Variants in RBFOX1 observed in about 807,000 individuals in gnomAD.
RBFOX1 encodes the protein RNA binding fox-1 homolog 1.
Under a neutral mutation model 57.7 loss-of-function variants are expected in RBFOX1, and 8 were observed. That is an observed-to-expected ratio of 0.14 (90% CI 0.08 to 0.25). The LOEUF is 0.25. RBFOX1 is among the 10% of genes least tolerant of loss of function. RBFOX1 has a pLI of 1.00. For missense variants in RBFOX1, 611 were observed against 548.5 expected (o/e 1.11, Z -1.14); for synonymous variants, 326 against 222.4 (o/e 1.47, Z -4.15).
chr16:7,219,034 A>G (rs2141904), intron 4 of RBFOX1, among the ~76,000 whole-genome samples: 113,251 of 151,986 alleles, frequency 0.75, 42,831 homozygotes, highest in East Asian at 0.96. Context: ...AAGGGCTCGG[A>G]GCCAGACAAA....
At chr16:6,981,998 A>T (rs2089027845) in intron 3 of RBFOX1, among the ~76,000 whole-genome samples, 1 of 152,226 alleles carries the variant, frequency 6.6e-6, no homozygotes, top group African/African-American at 2.4e-5. Flanking sequence ...ATAGTGTGTA[A>T]TACAATTTCT....
At chr16:7,010,345 T>TG (rs1425740231) in intron 3 of RBFOX1, among the ~76,000 whole-genome samples, 3 of 152,214 alleles carry the variant, frequency 2.0e-5, no homozygotes, top group Non-Finnish European at 4.4e-5. Context: ...AAACCCAGTC[T>TG]GGTTAGACTT....
chr16:7,653,582 G>T (rs2065583232), intron 11 of RBFOX1, among the ~76,000 whole-genome samples: 1 of 152,208 alleles, frequency 6.6e-6, no homozygotes, highest in Non-Finnish European at 1.5e-5. Context: ...ATGTTTGTCA[G>T]TCACCACATT....
intron 1 of RBFOX1, among the ~76,000 whole-genome samples, chr16:5,408,165 G>A (rs1324922339): frequency 2.0e-5 from 3 of 152,164 alleles, no homozygotes; most frequent in Non-Finnish European, 4.4e-5. Flanking sequence ...TGCTCGTGGT[G>A]TTTGAATGAA....
chr16:7,436,280 T>C (rs988163235), intron 4 of RBFOX1, among the ~76,000 whole-genome samples: 1 of 152,254 alleles, frequency 6.6e-6, no homozygotes, highest in African/African-American at 2.4e-5. Context: ...TGGATGTTTA[T>C]GTTATTTCCG....
intron 2 of RBFOX1, among the ~76,000 whole-genome samples, chr16:6,524,954 C>T (rs779619845): frequency 9.2e-5 from 14 of 152,134 alleles, no homozygotes; most frequent in Non-Finnish European, 1.6e-4. Context: ...GGCAAGGACC[C>T]TATTTCCAAA....
At chr16:5,688,806 G>C (rs1161634309) in intron 3 of RBFOX1, among the ~76,000 whole-genome samples, 5 of 152,198 alleles carry the variant, frequency 3.3e-5, no homozygotes, top group Non-Finnish European at 7.3e-5. Flanking sequence ...AAGTGGAATG[G>C]AGCCTCTAGG....
At chr16:5,253,091 C>T (rs1233593608) in intron 1 of RBFOX1, among the ~76,000 whole-genome samples, 2 of 152,116 alleles carry the variant, frequency 1.3e-5, no homozygotes, top group South Asian at 2.1e-4. Flanking sequence ...AAACCAGGCT[C>T]AGCTTTGGAA....
chr16:7,113,195 C>T (rs767458945), intron 4 of RBFOX1, among the ~76,000 whole-genome samples: 3 of 152,144 alleles, frequency 2.0e-5, no homozygotes, highest in Non-Finnish European at 4.4e-5. Context: ...ATACATTGAG[C>T]TTTCTGAGGA....
chr16:6,097,661 G>C lies in RBFOX1; in HGVS notation c.-127+77669G>C, dbSNP rs538109963. Among the ~76,000 whole-genome samples the C allele has an allele frequency of 6.6e-6, 1 of 152,216 alleles. No homozygotes were observed. Among genetic ancestry groups the C allele is most frequent in the South Asian group, 2.1e-4 (1 of 4,822 alleles). The stretch of plus-strand genomic sequence containing the variant: ...AGTGATTGACTCAAGTGCTTAATAA[G>C]TGTCTAAGCTAGGATTTGACCCTAG... On this transcript the variant is annotated intron_variant, in intron 1 of 15. Transcript: ENST00000550418. The surrounding 1 kb of genome is among the most constrained non-coding windows in gnomAD (Gnocchi z 5.0).
At chr16:5,990,460 C>T (rs964002824) in intron 4 of RBFOX1, among the ~76,000 whole-genome samples, 1 of 152,222 alleles carries the variant, frequency 6.6e-6, no homozygotes, top group Non-Finnish European at 1.5e-5. Flanking sequence ...AGCCTCTATA[C>T]TTAATACCTA....
At chr16:5,344,993 C>G (rs1596591724) in intron 1 of RBFOX1, among the ~76,000 whole-genome samples, 2 of 152,204 alleles carry the variant, frequency 1.3e-5, no homozygotes, top group East Asian at 1.9e-4. Flanking sequence ...AATGCCTGTT[C>G]ACCTCCCTGC....
intron 2 of RBFOX1, among the ~76,000 whole-genome samples, chr16:6,530,822 A>C (rs1362108098): frequency 6.6e-6 from 1 of 151,190 alleles, no homozygotes; most frequent in Admixed American, 6.6e-5. Context: ...TGCCCCCATG[A>C]TTCAATTACC....
intron 3 of RBFOX1, among the ~76,000 whole-genome samples, chr16:7,022,874 C>G (rs1446556130): frequency 6.6e-6 from 1 of 152,206 alleles, no homozygotes; most frequent in African/African-American, 2.4e-5. Context: ...CCAATGTTCA[C>G]ACAGCTAGAA....
At chr16:6,790,546 T>A (rs1483082987) in intron 3 of RBFOX1, among the ~76,000 whole-genome samples, 1 of 152,174 alleles carries the variant, frequency 6.6e-6, no homozygotes, top group Non-Finnish European at 1.5e-5. Flanking sequence ...TCTCCTTTCC[T>A]ATTTAGCCTC....
intron 1 of RBFOX1, among the ~76,000 whole-genome samples, chr16:5,244,289 C>T (rs1393198402): frequency 1.3e-5 from 2 of 152,252 alleles, no homozygotes; most frequent in African/African-American, 2.4e-5. Context: ...TCCCCTCATG[C>T]ACTGGTGCGG....
chr16:5,429,479 CTGAT>C, intron 1 of RBFOX1, among the ~76,000 whole-genome samples: 1 of 152,314 alleles, frequency 6.6e-6, no homozygotes, highest in East Asian at 1.9e-4. Flanking sequence ...TCTCAAGCAT[CTGAT>C]TGATTTTGAG....
chr16:6,295,097 GAGTTTTT>G, intron 1 of RBFOX1, among the ~76,000 whole-genome samples: 1 of 106,572 alleles, frequency 9.4e-6, no homozygotes. Context: ...CTTAAGCAGT[GAGTTTTT>G]TTTTTTTTTT....
intron 3 of RBFOX1, among the ~76,000 whole-genome samples, chr16:6,948,650 G>A (rs2080067889): frequency 1.3e-5 from 2 of 151,932 alleles, no homozygotes; most frequent in Admixed American, 6.6e-5. Context: ...CCAAAGTGCT[G>A]GGATTACAAG....
Sources: gnomAD v4.1 joint callset for allele counts (sites outside exome capture counted in the v4.1 genomes callset) on GRCh38, gnomAD v4.1.1 for gene constraint, Gnocchi (gnomAD v3.1) non-coding constraint, MANE v1.5 for transcripts, NCBI Gene and HGNC (gene_info 2026-07-23, HGNC 2026-07-21) for gene names.